PDE10A: variants seen among roughly 807,000 people sequenced by gnomAD.
PDE10A encodes phosphodiesterase 10A, also known as cAMP and cAMP-inhibited cGMP 3',5'-cyclic phosphodiesterase 10A.
In PDE10A, 39 loss-of-function variants were observed where a neutral mutation model predicts 97.7. The observed-to-expected ratio is 0.40, with a 90% CI of 0.31 to 0.52. PDE10A has a LOEUF of 0.52. PDE10A is among the 20% of genes least tolerant of loss of function. PDE10A has a pLI of 0.56. For synonymous variants in PDE10A, 371 were observed against 376.8 expected, an observed-to-expected ratio of 0.98 and a Z score of 0.18; for missense variants, 731 against 1,047.8, an observed-to-expected ratio of 0.70 and a Z score of 4.17.
rs1039585755 is a variant in PDE10A at position 165,914,775 on chromosome 6, G to A, written c.-615+72754C>T. On this transcript the variant is annotated intron_variant, in intron 1 of 19. Coordinates refer to the PDE10A transcript ENST00000366882. Reference sequence around the variant, plus strand: ...TCATCTCATAAATGGTGTCACACACGGGCAAAGATGTGTGGAAGAGGTAGT... The same window carrying A: ...TCATCTCATAAATGGTGTCACACACAGGCAAAGATGTGTGGAAGAGGTAGT... 7.9e-5 allele frequency among the ~76,000 whole-genome samples: 12 copies of A among 152,140 alleles called. No individual in the cohort carries two copies. In the South Asian group the frequency reaches 8.3e-4, roughly 11 times the overall value.
intron 1 of PDE10A, among the ~76,000 whole-genome samples, chr6:165,806,603 C>G (rs1426316016): frequency 1.3e-5 from 2 of 152,238 alleles, no homozygotes; most frequent in East Asian, 3.9e-4. Flanking sequence ...TCTCCTATTG[C>G]GTCTCTTCAG....
chr6:165,378,199 T>C lies in PDE10A; in HGVS notation c.2783+995A>G, dbSNP rs185115925. Among the ~76,000 whole-genome samples the C allele has an allele frequency of 2.1e-4, 32 of 152,322 alleles. 1 individual carries two copies. The highest frequency in any genetic ancestry group is 7.2e-4 in the Admixed American group (11 of 15,308). ...TTTGTATTTGGTGTACCTGAGAGAA[T>C]AGTGAATTATTTCTAAGAACTTTAA... On this transcript the variant is annotated intron_variant, in intron 18 of 21. Transcript: ENST00000539869.
chr6:165,554,077 T>C (rs1008472399), intron 1 of PDE10A, among the ~76,000 whole-genome samples: 10 of 152,110 alleles, frequency 6.6e-5, no homozygotes, highest in African/African-American at 1.4e-4. Context: ...CGCTCAAATA[T>C]AGGCTATTTT....
intron 1 of PDE10A, among the ~76,000 whole-genome samples, chr6:165,727,143 C>T (rs1046383486): frequency 2.0e-5 from 3 of 152,224 alleles, no homozygotes; most frequent in Non-Finnish European, 2.9e-5. Flanking sequence ...CACAGGAGAC[C>T]CTGCCATGGG....
chr6:165,783,092 A>ATT (rs11437992), intron 1 of PDE10A, among the ~76,000 whole-genome samples: 1 of 151,916 alleles, frequency 6.6e-6, no homozygotes, highest in African/African-American at 2.4e-5. Context: ...AGGCAGTAAC[A>ATT]TTTTTTGGCT....
chr6:165,475,308 C>G (rs1045206087), intron 3 of PDE10A, among the ~76,000 whole-genome samples: 1 of 151,962 alleles, frequency 6.6e-6, no homozygotes, highest in Non-Finnish European at 1.5e-5. Context: ...AATGCATTAA[C>G]AGAAATTTTA....
chr6:165,661,237 C>T lies in PDE10A; in HGVS notation c.865+710G>A, dbSNP rs1458257221. 6.5e-6 allele frequency: 1 copy of T among 152,692 alleles called. No homozygotes were observed. Among genetic ancestry groups the T allele is most frequent in the Non-Finnish European group, 1.5e-5 (1 of 68,468 alleles). 9.5% of individuals were successfully genotyped at this position (152,692 alleles called of 1,614,324 possible). Reference sequence around the variant, plus strand: ...AGGCGGCGGCGCCTTTCTCTTCCACCCTAGCGACCTATTGTCCTTCCCTTT... The same window carrying T: ...AGGCGGCGGCGCCTTTCTCTTCCACTCTAGCGACCTATTGTCCTTCCCTTT... On this transcript the variant is annotated intron_variant, in intron 1 of 21. Transcript: ENST00000539869. This position sits in a 1 kb window ranked among gnomAD's most constrained non-coding sequence, Gnocchi z 4.8.
intron 1 of PDE10A, among the ~76,000 whole-genome samples, chr6:165,847,178 C>A (rs1190654432): frequency 1.3e-5 from 2 of 152,164 alleles, no homozygotes; most frequent in East Asian, 3.8e-4. Context: ...CACTGGCTAC[C>A]CTTTAGCTCC....
intron 21 of PDE10A, among the ~76,000 whole-genome samples, chr6:165,333,722 G>A (rs1392385009): frequency 2.0e-5 from 3 of 152,122 alleles, no homozygotes; most frequent in African/African-American, 4.8e-5. Context: ...CTCATTTCTC[G>A]AGTCCTCTAA....
At chr6:165,336,824 G>A (rs938476606) in intron 20 of PDE10A, among the ~76,000 whole-genome samples, 6 of 149,054 alleles carry the variant, frequency 4.0e-5, no homozygotes, top group Admixed American at 1.3e-4. Flanking sequence ...ATGACATTTC[G>A]CTAATAGATC....
At chr6:165,637,157 C>T (rs1788915801) in intron 1 of PDE10A, among the ~76,000 whole-genome samples, 1 of 152,176 alleles carries the variant, frequency 6.6e-6, no homozygotes, top group African/African-American at 2.4e-5. Flanking sequence ...ATAAACTTCT[C>T]ACAGACTATA....
chr6:165,881,565 A>AT (rs3049923), intron 1 of PDE10A, among the ~76,000 whole-genome samples: 5,128 of 134,382 alleles, frequency 0.038, 343 homozygotes, highest in African/African-American at 0.13. Context: ...TGCCCAGCTA[A>AT]TTTTTTTTTT....
At chr6:165,556,965 C>T (rs990071232) in intron 1 of PDE10A, among the ~76,000 whole-genome samples, 1 of 151,944 alleles carries the variant, frequency 6.6e-6, no homozygotes, top group Non-Finnish European at 1.5e-5. Context: ...AATGGTAAAC[C>T]CTGTCTCTAC....
chr6:165,529,545 C>T (rs1329897548), intron 2 of PDE10A, among the ~76,000 whole-genome samples: 1 of 152,174 alleles, frequency 6.6e-6, no homozygotes, highest in Admixed American at 6.5e-5. Context: ...CCAGCTACGA[C>T]CACATGACCA....
At chr6:165,955,169 C>T (rs1276877322) in intron 1 of PDE10A, among the ~76,000 whole-genome samples, 1 of 152,168 alleles carries the variant, frequency 6.6e-6, no homozygotes, top group Non-Finnish European at 1.5e-5. Context: ...CACCTTGGGG[C>T]TACAATCCCC....
intron 1 of PDE10A, among the ~76,000 whole-genome samples, chr6:165,898,970 C>T (rs1236749517): frequency 6.6e-6 from 1 of 152,198 alleles, no homozygotes. Flanking sequence ...GATCCAAAGG[C>T]CTTCGGGGAC....
Position 165,506,227 on chromosome 6 carries a change from T to C in PDE10A, c.995-23884A>G, listed in dbSNP as rs546170422. Among the ~76,000 whole-genome samples the C allele has an allele frequency of 2.0e-4, 31 of 152,218 alleles. No homozygotes were observed. The South Asian group carries it at 2.1e-3, about 10-fold the overall frequency. On this transcript the variant is annotated intron_variant, in intron 2 of 21. Coordinates refer to ENST00000539869, the MANE Select transcript of PDE10A (RefSeq NM_001385079.1). ...AGACATTCCTTTCTAGACCATAGAG[T>C]TCCAAATCAATTTTTTGAATACACG...
chr6:165,748,959 G>A (rs188193508), intron 1 of PDE10A, among the ~76,000 whole-genome samples: 183 of 152,258 alleles, frequency 1.2e-3, no homozygotes, highest in Non-Finnish European at 2.0e-3. Context: ...ATTTGAGCAA[G>A]TTAACCCGTT....
chr6:165,511,568 T>C (rs1781511551), intron 2 of PDE10A, among the ~76,000 whole-genome samples: 1 of 152,004 alleles, frequency 6.6e-6, no homozygotes, highest in Non-Finnish European at 1.5e-5. Flanking sequence ...GTTTATTTGG[T>C]GATTTTCTTC....
Sources: allele counts gnomAD v4.1 joint callset (sites outside exome capture counted in the v4.1 genomes callset), GRCh38; gene constraint gnomAD v4.1.1; non-coding constraint Gnocchi (gnomAD v3.1); transcripts MANE v1.5; gene names NCBI Gene and HGNC (gene_info 2026-07-23, HGNC 2026-07-21).